Variants in PARM1 observed in about 807,000 individuals in gnomAD.
The protein encoded by PARM1 is WSC4, cell wall integrity and stress response component 4 homolog.
A neutral mutation model predicts 24.6 loss-of-function variants in PARM1; 14 were observed. The ratio of observed to expected loss-of-function variants is 0.57; its 90% CI spans 0.38 to 0.89. PARM1 has a LOEUF of 0.89. Among genes scored for constraint, PARM1 ranks in the 40% least tolerant of loss-of-function variants. The pLI is 0.00. For synonymous variants in PARM1, 179 were observed against 156.6 expected, an observed-to-expected ratio of 1.14 and a Z score of -1.07; for missense variants, 362 against 380.4, an observed-to-expected ratio of 0.95 and a Z score of 0.40.
chr4:75,019,059 A>G (rs1156651596), intron 2 of PARM1, among the ~76,000 whole-genome samples: 1 of 152,248 alleles, frequency 6.6e-6, no homozygotes, highest in Non-Finnish European at 1.5e-5. Context: ...GGTAGCAGCC[A>G]TGCAAAATTG....
At chr4:75,019,002 C>A (rs1017402701) in intron 2 of PARM1, among the ~76,000 whole-genome samples, 1 of 152,216 alleles carries the variant, frequency 6.6e-6, no homozygotes, top group Non-Finnish European at 1.5e-5. Context: ...ATGTTGCCAG[C>A]TGGGTCCCAG....
chr4:74,963,836 A>G (rs79269410), intron 1 of PARM1, among the ~76,000 whole-genome samples: 4,412 of 152,320 alleles, frequency 0.029, 207 homozygotes, highest in African/African-American at 0.099. Flanking sequence ...TATAAAATTT[A>G]CAAATCTTTC....
intron 1 of PARM1, among the ~76,000 whole-genome samples, chr4:74,989,407 C>T (rs932920464): frequency 6.6e-6 from 1 of 152,144 alleles, no homozygotes; most frequent in Non-Finnish European, 1.5e-5. Context: ...CTTACATTTA[C>T]CAGCTTATGT....
chr4:74,933,148 T>G lies in PARM1; in HGVS notation c.-180T>G. ...CGCGGAGCACCGGAGGGCACGCAGCTGACGGAGCTGCGCTGCGTTCGCCTC... is the reference window on the plus strand; with the variant it reads ...CGCGGAGCACCGGAGGGCACGCAGCGGACGGAGCTGCGCTGCGTTCGCCTC... On this transcript the variant is annotated 5_prime_UTR_variant, in exon 1 of 4. Coordinates refer to ENST00000307428, the MANE Select transcript of PARM1 (RefSeq NM_015393.4). 1.8e-6 allele frequency: 1 copy of G among 560,972 alleles called. No homozygotes were observed. The highest frequency in any genetic ancestry group is 3.1e-6 in the Non-Finnish European group (1 of 318,086). The allele number at this position is 560,972 out of a possible 1,614,324, so 34.7% of individuals were successfully genotyped here. A position where few individuals can be genotyped will look rare whatever the true frequency, so the allele number is the denominator to read the frequency against.
chr4:74,990,512 C>T (rs1446287521), intron 1 of PARM1, among the ~76,000 whole-genome samples: 1 of 152,112 alleles, frequency 6.6e-6, no homozygotes, highest in East Asian at 1.9e-4. Flanking sequence ...GATATGCAGG[C>T]ACAGTACCAG....
At chr4:75,024,942 G>A (rs1431302591) in intron 2 of PARM1, among the ~76,000 whole-genome samples, 3 of 152,166 alleles carry the variant, frequency 2.0e-5, no homozygotes, top group Non-Finnish European at 2.9e-5. Context: ...TGATCCACCC[G>A]CCTTGGTCTC....
chr4:75,034,991 A>G (rs186421894), intron 3 of PARM1, among the ~76,000 whole-genome samples: 24 of 152,292 alleles, frequency 1.6e-4, no homozygotes, highest in African/African-American at 5.8e-4. Flanking sequence ...TGAACTTCAG[A>G]AACTCCAGCT....
At chr4:74,948,936 C>T (rs1315810637) in intron 1 of PARM1, among the ~76,000 whole-genome samples, 3 of 151,972 alleles carry the variant, frequency 2.0e-5, no homozygotes, top group Admixed American at 6.6e-5. Context: ...GCAGAAGAAT[C>T]GCTTGAACCC....
chr4:74,954,495 A>G (rs559873022), intron 1 of PARM1, among the ~76,000 whole-genome samples: 1 of 152,380 alleles, frequency 6.6e-6, no homozygotes, highest in South Asian at 2.1e-4. Context: ...TGTTTGACTC[A>G]TAATGCCCAA....
intron 1 of PARM1, among the ~76,000 whole-genome samples, chr4:74,943,477 C>A (rs532497911): frequency 3.8e-4 from 57 of 151,662 alleles, no homozygotes; most frequent in African/African-American, 1.4e-3. Flanking sequence ...GTGCTTATGT[C>A]TAGTGCTTCC....
At chr4:74,995,915 A>G (rs904278961) in intron 1 of PARM1, among the ~76,000 whole-genome samples, 6 of 152,050 alleles carry the variant, frequency 3.9e-5, no homozygotes, top group African/African-American at 1.4e-4. Context: ...AAGGCCCTAC[A>G]TGATTTGGTC....
chr4:75,009,937 G>T (rs553695950), intron 1 of PARM1, among the ~76,000 whole-genome samples: 4 of 152,252 alleles, frequency 2.6e-5, no homozygotes, highest in African/African-American at 7.2e-5. Flanking sequence ...TGAGCAAAGG[G>T]TATGGCATTT....
intron 1 of PARM1, chr4:74,999,099 A>T (rs1196594079): frequency 6.6e-6 from 1 of 152,272 alleles, no homozygotes; most frequent in East Asian, 1.9e-4. Flanking sequence ...GACTTCAGAG[A>T]TCCAAACTCT....
At chr4:75,040,342 T>G (rs1723457816) in intron 3 of PARM1, among the ~76,000 whole-genome samples, 1 of 152,214 alleles carries the variant, frequency 6.6e-6, no homozygotes, top group Admixed American at 6.5e-5. Context: ...GGCAGATAAT[T>G]TTTTAAATAA....
At chr4:75,029,125 G>GGA (rs1723232975) in intron 2 of PARM1, among the ~76,000 whole-genome samples, 1 of 152,120 alleles carries the variant, frequency 6.6e-6, no homozygotes, top group African/African-American at 2.4e-5. Flanking sequence ...GTGAGTGTGG[G>GGA]GAGAGAGACT....
At chr4:75,011,700 T>A (rs1560791357) in intron 1 of PARM1, among the ~76,000 whole-genome samples, 1 of 152,218 alleles carries the variant, frequency 6.6e-6, no homozygotes, top group Non-Finnish European at 1.5e-5. Context: ...GCAAGTGATA[T>A]GATGGTAAGG....
chr4:74,939,515 C>CT (rs1019598782), intron 1 of PARM1, among the ~76,000 whole-genome samples: 6 of 151,226 alleles, frequency 4.0e-5, no homozygotes, highest in East Asian at 3.9e-4. Flanking sequence ...CTTCTGTACT[C>CT]TTTTTTTTTA....
At chr4:74,943,154 C>A (rs1297851155) in intron 1 of PARM1, among the ~76,000 whole-genome samples, 2 of 152,312 alleles carry the variant, frequency 1.3e-5, no homozygotes, top group Admixed American at 1.3e-4. Flanking sequence ...GTCTGTTCCA[C>A]TTGCCAACAC....
intron 1 of PARM1, among the ~76,000 whole-genome samples, chr4:74,948,632 A>G (rs781161602): frequency 2.0e-5 from 3 of 152,112 alleles, no homozygotes; most frequent in Non-Finnish European, 2.9e-5. Context: ...TGCACTGGAC[A>G]CCAAAAAGAC....
Sources: gnomAD v4.1 joint callset for allele counts (sites outside exome capture counted in the v4.1 genomes callset) on GRCh38, gnomAD v4.1.1 for gene constraint, MANE v1.5 for transcripts, NCBI Gene and HGNC (gene_info 2026-07-23, HGNC 2026-07-21) for gene names.